The following LRTM2 variants were observed in gnomAD, a reference collection of about 807,000 sequenced individuals.
LRTM2 encodes leucine-rich repeat and transmembrane domain-containing protein 2.
Under a neutral mutation model 28.1 loss-of-function variants are expected in LRTM2, and 18 were observed. That is an observed-to-expected ratio of 0.64 (90% CI 0.44 to 0.95). The LOEUF is 0.95. Ranked by LOEUF, LRTM2 falls within the 40% of genes least tolerant of loss-of-function variation. LRTM2 has a pLI of 0.00. For synonymous variants in LRTM2, 250 were observed against 218.7 expected (o/e 1.14, Z -1.26); for missense variants, 436 against 497.2 (o/e 0.88, Z 1.17).
chr12:1,824,835 C>T (rs1271860190), intron 1 of LRTM2, among the ~76,000 whole-genome samples: 1 of 152,124 alleles, frequency 6.6e-6, no homozygotes, highest in African/African-American at 2.4e-5. Context: ...GCTGCAGCCC[C>T]ACCTCTCTCT....
In LRTM2 at chr12:1,831,378, C is replaced by T. The variant is rs1475760275; in HGVS notation, c.511C>T (p.Leu171Phe). The T allele has an allele frequency of 2.5e-6, 4 of 1,614,088 alleles. No individual in the cohort carries two copies. Among genetic ancestry groups the T allele is most frequent in the East Asian group, 4.5e-5 (2 of 44,886 alleles). Reference protein sequence around the residue: ...DGLLALRSLSLRSNRLQNLDR... With the variant: ...DGLLALRSLSFRSNRLQNLDR... Reference sequence around the variant, plus strand: ...GCTCCTGGCTCTGCGCTCCCTCTCGCTTCGCTCCAACCGTCTGCAGAATCT... The same window carrying T: ...GCTCCTGGCTCTGCGCTCCCTCTCGTTTCGCTCCAACCGTCTGCAGAATCT... Residue 171 changes from leucine to phenylalanine, a missense_variant, in exon 4 of 5, where the codon CTT becomes TTT. Transcript: ENST00000299194.
In LRTM2 at chr12:1,831,334, C is replaced by T; in HGVS notation, c.467C>T (p.Pro156Leu). 6.2e-7 allele frequency: 1 copy of T among 1,613,914 alleles called. No homozygotes were observed. The highest frequency in any genetic ancestry group is 1.1e-5 in the South Asian group (1 of 91,092). Residue 156 changes from proline (P) to leucine (L), a missense_variant, in exon 4 of 5, where the codon CCC (proline) becomes CTC (leucine). Pro to Leu is a moderately conservative substitution (Grantham distance 98, BLOSUM62 -3). Coordinates refer to ENST00000299194, the MANE Select transcript of LRTM2 (RefSeq NM_001039029.3). ...DLSINGLAQLPPGLFDGLLAL... is the reference protein window; with the variant it reads ...DLSINGLAQLLPGLFDGLLAL... ...TCCATCAACGGCCTGGCCCAGTTGC[C>T]CCCTGGTCTTTTCGACGGGCTCCTG...
intron 1 of LRTM2, among the ~76,000 whole-genome samples, chr12:1,826,407 C>CT (rs1286388046): frequency 5.0e-5 from 3 of 59,482 alleles, no homozygotes; most frequent in African/African-American, 9.5e-5. Flanking sequence ...AGAGCCCCCC[C>CT]CCCCCCCCCG....
At position 1,831,038 on chromosome 12, in the gene LRTM2, T is replaced by TGGCCTC; in HGVS notation, c.172_177dup (p.Gly58_Leu59dup). On this transcript the variant is annotated inframe_insertion, in exon 4 of 5. Coordinates refer to ENST00000299194, the MANE Select transcript of LRTM2 (RefSeq NM_001039029.3). ...GCCTGGAGGTGGACTGCAGTGGCCT[T>TGGCCTC]GGCCTCACCACGGTGCCCCCAGACG... 1 of 1,614,090 alleles carries TGGCCTC rather than the reference T, an allele frequency of 6.2e-7. No homozygotes were observed. Among genetic ancestry groups the TGGCCTC allele is most frequent in the Non-Finnish European group, 8.5e-7 (1 of 1,180,028 alleles).
In LRTM2 at chr12:1,835,885, C is replaced by T. The variant is rs1238608705; in HGVS notation, c.*1164C>T. The T allele has an allele frequency of 2.0e-5, 3 of 152,534 alleles. No individual in the cohort carries two copies. The highest frequency in any genetic ancestry group is 3.9e-4 in the East Asian group (2 of 5,194). 9.4% of individuals were successfully genotyped at this position (152,534 alleles called of 1,614,324 possible). On this transcript the variant is annotated 3_prime_UTR_variant, in exon 5 of 5. Transcript: ENST00000299194. ...TGACTCTGTGCCTCTCGCCCTCCATCTTCAGTACTCCTGGCCTGTGACTTC... is the reference window on the plus strand; with the variant it reads ...TGACTCTGTGCCTCTCGCCCTCCATTTTCAGTACTCCTGGCCTGTGACTTC...
In LRTM2 at chr12:1,834,735, C is replaced by A. The variant is rs751381663; in HGVS notation, c.*14C>A. On this transcript the variant is annotated 3_prime_UTR_variant, in exon 5 of 5. Coordinates refer to ENST00000299194, the MANE Select transcript of LRTM2 (RefSeq NM_001039029.3). The surrounding 1 kb of genome is among the most constrained non-coding windows in gnomAD (Gnocchi z 7.6). ...TCTGTGGCCTGAGCGCCCATCCCCA[C>A]CCGGCCAGGTAGGAAGGGCGGGGAG... The A allele has an allele frequency of 6.4e-7, 1 of 1,573,328 alleles. No individual in the cohort carries two copies. The highest frequency in any genetic ancestry group is 1.1e-5 in the South Asian group (1 of 87,768).
Position 1,834,899 on chromosome 12 carries a change from G to A in LRTM2, c.*178G>A. 5 of 1,252,352 alleles carry A rather than the reference G, an allele frequency of 4.0e-6. No individual in the cohort carries two copies. The South Asian group carries it at 4.8e-5, about 12-fold the overall frequency. The allele number at this position is 1,252,352 out of a possible 1,614,324, so 77.6% of individuals were successfully genotyped here. A position where few individuals can be genotyped will look rare whatever the true frequency, so the allele number is the denominator to read the frequency against. On this transcript the variant is annotated 3_prime_UTR_variant, in exon 5 of 5. Transcript: ENST00000299194. This position sits in a 1 kb window ranked among gnomAD's most constrained non-coding sequence, Gnocchi z 7.6. ...CCTGCACTTTCGAGGCTCCCTGAAA[G>A]CCACCGTGCTGGGGGCTCCTGCTGA...
intron 1 of LRTM2, among the ~76,000 whole-genome samples, chr12:1,826,241 G>A (rs1233876852): frequency 1.3e-5 from 2 of 152,126 alleles, no homozygotes; most frequent in African/African-American, 4.8e-5. Context: ...CCATGGTGAT[G>A]GGCACTGGGT....
intron 1 of LRTM2, among the ~76,000 whole-genome samples, chr12:1,825,639 C>T (rs1864282376): frequency 6.6e-6 from 1 of 152,226 alleles, no homozygotes; most frequent in Non-Finnish European, 1.5e-5. Context: ...TATGTTAGCA[C>T]ATACCTAGCT....
rs1342044542 is a variant in LRTM2 at position 1,828,358 on chromosome 12, G to A, written c.67+143G>A. On this transcript the variant is annotated intron_variant, in intron 3 of 4. Coordinates refer to ENST00000299194, the MANE Select transcript of LRTM2 (RefSeq NM_001039029.3). The surrounding 1 kb of genome is among the most constrained non-coding windows in gnomAD (Gnocchi z 4.2). ...ATCTTCCTGGGGTACCCGAGGCTAT[G>A]TTCTGGGAAGCCAGGGTCACGCCCA... The A allele has an allele frequency of 4.3e-6, 3 of 703,268 alleles. No homozygotes were observed. The highest frequency in any genetic ancestry group is 1.9e-5 in the African/African-American group (1 of 54,038). 43.6% of individuals were successfully genotyped at this position (703,268 alleles called of 1,614,324 possible). A position where few individuals can be genotyped will look rare whatever the true frequency, so the allele number is the denominator to read the frequency against.
intron 1 of LRTM2, among the ~76,000 whole-genome samples, chr12:1,827,120 C>T (rs1383208490): frequency 2.0e-5 from 3 of 152,106 alleles, no homozygotes; most frequent in Admixed American, 1.3e-4. Context: ...CGGGCATCCT[C>T]CCTCCCTCCC....
intron 3 of LRTM2, among the ~76,000 whole-genome samples, chr12:1,830,367 C>T (rs1565694600): frequency 1.3e-5 from 2 of 152,308 alleles, no homozygotes; most frequent in East Asian, 1.9e-4. Context: ...AAGGACAGGG[C>T]TAGGAGTGCT....
intron 1 of LRTM2, among the ~76,000 whole-genome samples, chr12:1,824,231 ATCAAAC>A (rs1864226147): frequency 6.6e-6 from 1 of 152,184 alleles, no homozygotes. Context: ...GCCTAGTCGT[ATCAAAC>A]TCAAATATGC....
chr12:1,835,545 A>C lies in LRTM2; in HGVS notation c.*824A>C, dbSNP rs1418365854. ...AGACCACAGAGCCTCTCGCGTGCTCACTGCAATCTTCTCAAGTCAACAGCA... is the reference window on the plus strand; with the variant it reads ...AGACCACAGAGCCTCTCGCGTGCTCCCTGCAATCTTCTCAAGTCAACAGCA... On this transcript the variant is annotated 3_prime_UTR_variant, in exon 5 of 5. Transcript: ENST00000299194. 1.3e-5 allele frequency: 2 copies of C among 152,588 alleles called. No homozygotes were observed. The allele number at this position is 152,588 out of a possible 1,614,324, so 9.5% of individuals were successfully genotyped here. A position where few individuals can be genotyped will look rare whatever the true frequency, so the allele number is the denominator to read the frequency against.
intron 2 of LRTM2, 189 bp downstream of exon 2, chr12:1,827,783 C>T: frequency 4.0e-6 from 1 of 247,242 alleles, no homozygotes; most frequent in East Asian, 7.2e-5. Context: ...GATCAACATA[C>T]TCGGGAGGCA....
rs570549501 is a variant in LRTM2, at chr12:1,826,839, C to T, written c.-258-571C>T. ...CAGGGTTTGCAGCAGGACCCTAATG[C>T]CCGAGGGGAAACCTGCACAGACAGG... On this transcript the variant is annotated intron_variant, in intron 1 of 4. Transcript: ENST00000299194. 3.9e-5 allele frequency among the ~76,000 whole-genome samples: 6 copies of T among 152,318 alleles called. No individual in the cohort carries two copies. The South Asian group carries it at 1.2e-3, about 32-fold the overall frequency.
rs1864857379 is a variant in LRTM2 at position 1,836,289 on chromosome 12, C to T, written c.*1568C>T. ...GGTACCTAGGTGTCATGCTCACAGG[C>T]TCAGGAGGCATCAGGCTCGTCCCTG... On this transcript the variant is annotated 3_prime_UTR_variant, in exon 5 of 5. Coordinates refer to ENST00000299194, the MANE Select transcript of LRTM2 (RefSeq NM_001039029.3). 6.6e-6 allele frequency: 1 copy of T among 152,464 alleles called. No homozygotes were observed. Among genetic ancestry groups the T allele is most frequent in the Non-Finnish European group, 1.5e-5 (1 of 68,226 alleles). The allele number at this position is 152,464 out of a possible 1,614,324, so 9.4% of individuals were successfully genotyped here.
rs778712578 is a variant in LRTM2, at chr12:1,834,379, T to C, written c.771T>C (p.Asn257=). 6.2e-7 allele frequency: 1 copy of C among 1,613,208 alleles called. No individual in the cohort carries two copies. The highest frequency in any genetic ancestry group is 8.5e-7 in the Non-Finnish European group (1 of 1,180,014). Residue 257 remains asparagine (N), a synonymous_variant, in exon 5 of 5, where the codon AAT becomes AAC. Transcript: ENST00000299194. This position sits in a 1 kb window ranked among gnomAD's most constrained non-coding sequence, Gnocchi z 7.6. ...FNYCSQLEDE[N]SSAGLDIPGP... ...ACTGCTCCCAGCTGGAGGACGAGAA[T>C]AGCTCAGCTGGGCTGGATATTCCTG...
Position 1,834,240 on chromosome 12 carries a change from G to A in LRTM2, c.659-27G>A. The A allele has an allele frequency of 6.5e-7, 1 of 1,527,828 alleles. No individual in the cohort carries two copies. Among genetic ancestry groups the A allele is most frequent in the South Asian group, 1.3e-5 (1 of 77,126 alleles). 94.6% of individuals were successfully genotyped at this position (1,527,828 alleles called of 1,614,324 possible). ...AGTGCAAGTTCTAGATGCCTGGTCAGCCCCTCTTTTTCTCTTCTGCATGTA... is the reference window on the plus strand; with the variant it reads ...AGTGCAAGTTCTAGATGCCTGGTCAACCCCTCTTTTTCTCTTCTGCATGTA... On this transcript the variant is annotated intron_variant, in intron 4 of 4. Transcript: ENST00000299194. The surrounding 1 kb of genome is among the most constrained non-coding windows in gnomAD (Gnocchi z 7.6).
Sources: allele counts gnomAD v4.1 joint callset (sites outside exome capture counted in the v4.1 genomes callset), GRCh38; gene constraint gnomAD v4.1.1; non-coding constraint Gnocchi (gnomAD v3.1); transcripts MANE v1.5; gene names NCBI Gene and HGNC (gene_info 2026-07-23, HGNC 2026-07-21).